ANKS1B: variants seen among roughly 807,000 people sequenced by gnomAD.
The protein encoded by ANKS1B is ankyrin repeat and sterile alpha motif domain containing 1B.
ANKS1B carries 36 observed loss-of-function variants against 148.3 expected under a neutral mutation model. The ratio of observed to expected loss-of-function variants is 0.24; its 90% confidence interval spans 0.19 to 0.32. The LOEUF is 0.32. ANKS1B is among the 10% of genes least tolerant of loss of function. ANKS1B has a pLI of 1.00. For synonymous variants in ANKS1B, 542 were observed against 560.8 expected (o/e 0.97, Z 0.47); for missense variants, 1,157 against 1,542.6 (o/e 0.75, Z 4.19).
At chr12:99,761,962 G>A (rs991550428) in intron 8 of ANKS1B, among the ~76,000 whole-genome samples, 4 of 151,562 alleles carry the variant, frequency 2.6e-5, no homozygotes, top group Non-Finnish European at 5.9e-5. Flanking sequence ...CACAAAAAAC[G>A]AAATACCAAG....
At position 99,042,334 on chromosome 12, in the gene ANKS1B, C is replaced by T. The variant is rs540964524; in HGVS notation, c.2778+10823G>A. ...TTTCTTTGTTATGAAGACATGTCTG[C>T]GATAGCATACTAGAGAGTGGGGCAC... On this transcript the variant is annotated intron_variant, in intron 17 of 26. Coordinates refer to ENST00000683438, the MANE Select transcript of ANKS1B (RefSeq NM_001352186.2). Among the ~76,000 whole-genome samples, 23 of 152,228 alleles carry T rather than the reference C, an allele frequency of 1.5e-4. No homozygotes were observed. The South Asian group carries it at 1.9e-3, about 12-fold the overall frequency.
intron 1 of ANKS1B, among the ~76,000 whole-genome samples, chr12:99,900,305 A>G (rs1565957424): frequency 6.6e-6 from 1 of 151,738 alleles, no homozygotes; most frequent in African/African-American, 2.4e-5. Context: ...CAGGTGTTCG[A>G]GAACAGCCTG....
At chr12:98,854,036 A>G (rs2099547672) in intron 17 of ANKS1B, among the ~76,000 whole-genome samples, 1 of 152,228 alleles carries the variant, frequency 6.6e-6, no homozygotes, top group Non-Finnish European at 1.5e-5. Flanking sequence ...TGGACTCATC[A>G]GCAAGACATG....
chr12:98,867,888 G>A lies in ANKS1B; in HGVS notation c.2779-35752C>T, dbSNP rs902453907. ...AAAAAAAAAAAAAGAATATAAGTCA[G>A]TTTTCTTTCTGGATACTACTTCGTA... On this transcript the variant is annotated intron_variant, in intron 17 of 26. Coordinates refer to ENST00000683438, the MANE Select transcript of ANKS1B (RefSeq NM_001352186.2). Among the ~76,000 whole-genome samples, 3 of 151,982 alleles carry A rather than the reference G, an allele frequency of 2.0e-5. No homozygotes were observed. The South Asian group carries it at 6.2e-4, about 32-fold the overall frequency.
At chr12:99,810,913 C>T (rs939075874) in intron 3 of ANKS1B, among the ~76,000 whole-genome samples, 22 of 151,840 alleles carry the variant, frequency 1.4e-4, no homozygotes, top group African/African-American at 5.3e-4. Context: ...CATAAATGAT[C>T]TAACTGTTGG....
Position 98,745,165 on chromosome 12 carries a change from TA to T in ANKS1B, c.*573del. 3.0e-6 allele frequency: 3 copies of T among 985,828 alleles called. No homozygotes were observed. Among genetic ancestry groups the T allele is most frequent in the Non-Finnish European group, 3.6e-6 (3 of 829,924 alleles). The allele number at this position is 985,828 out of a possible 1,614,324, so 61.1% of individuals were successfully genotyped here. ...TTTCTCTGACATAGGTGATTACATA[TA>T]AAATCCACAAATATAGAAATGGGGA... On this transcript the variant is annotated 3_prime_UTR_variant, in exon 27 of 27. Coordinates refer to ENST00000683438, the MANE Select transcript of ANKS1B (RefSeq NM_001352186.2).
At position 99,445,268 on chromosome 12, in the gene ANKS1B, A is replaced by AACT. The variant is rs1359886876; in HGVS notation, c.1439-1460_1439-1459insAGT. ...TTCATCTAAAAACTACACATGTAAG[A>AACT]ACACTTATTTGGGGCAACTATGAGT... On this transcript the variant is annotated intron_variant, in intron 10 of 26. Coordinates refer to ENST00000683438, the MANE Select transcript of ANKS1B (RefSeq NM_001352186.2). Among the ~76,000 whole-genome samples the AACT allele has an allele frequency of 4.6e-5, 7 of 152,186 alleles. No individual in the cohort carries two copies. In the East Asian group the frequency reaches 1.4e-3, roughly 29 times the overall value.
intron 1 of ANKS1B, among the ~76,000 whole-genome samples, chr12:99,959,621 T>C (rs2095380105): frequency 6.6e-6 from 1 of 152,216 alleles, no homozygotes; most frequent in South Asian, 2.1e-4. Flanking sequence ...TAAGGACATT[T>C]TCCTTACCTA....
chr12:98,807,724 C>T (rs2099061753), intron 20 of ANKS1B, 120 bp downstream of exon 20: 2 of 666,438 alleles, frequency 3.0e-6, no homozygotes, highest in African/African-American at 1.8e-5. Context: ...GTCTCGGAGT[C>T]ACCAGACATT....
At chr12:99,957,853 T>A (rs2095347053) in intron 1 of ANKS1B, among the ~76,000 whole-genome samples, 1 of 152,250 alleles carries the variant, frequency 6.6e-6, no homozygotes, top group Non-Finnish European at 1.5e-5. Flanking sequence ...TCTGTATTTA[T>A]TCACTCAACT....
At chr12:98,765,941 A>T (rs1313370366) in intron 25 of ANKS1B, among the ~76,000 whole-genome samples, 2 of 152,314 alleles carry the variant, frequency 1.3e-5, no homozygotes, top group East Asian at 3.9e-4. Context: ...CAGATCTGGG[A>T]TTCAAAACCA....
intron 4 of ANKS1B, among the ~76,000 whole-genome samples, chr12:99,800,279 T>C (rs1782185768): frequency 6.6e-6 from 1 of 151,964 alleles, no homozygotes; most frequent in Non-Finnish European, 1.5e-5. Flanking sequence ...AAGGCAGCCA[T>C]CTAACAAGCC....
intron 9 of ANKS1B, among the ~76,000 whole-genome samples, chr12:99,560,961 C>T (rs1440461521): frequency 6.6e-6 from 1 of 151,254 alleles, no homozygotes; most frequent in East Asian, 1.9e-4. Context: ...ATTCTCCTGC[C>T]TCAGCCTCCT....
intron 12 of ANKS1B, among the ~76,000 whole-genome samples, chr12:99,370,274 C>T (rs2093054664): frequency 6.6e-6 from 1 of 152,038 alleles, no homozygotes; most frequent in African/African-American, 2.4e-5. Context: ...GAGTGCTTGG[C>T]CATGACTTAA....
intron 15 of ANKS1B, among the ~76,000 whole-genome samples, chr12:99,102,498 TTTTGGG>T (rs1170618375): frequency 2.0e-4 from 30 of 152,090 alleles, no homozygotes; most frequent in Non-Finnish European, 4.3e-4. Flanking sequence ...AATCCCAGCT[TTTTGGG>T]AGGCTAAGAT....
At chr12:99,065,874 TA>T in intron 16 of ANKS1B, among the ~76,000 whole-genome samples, 1 of 152,276 alleles carries the variant, frequency 6.6e-6, no homozygotes, top group African/African-American at 2.4e-5. Flanking sequence ...TATAGTCTGT[TA>T]GAAGGTGATA....
At chr12:99,203,010 A>G (rs150294595) in intron 14 of ANKS1B, among the ~76,000 whole-genome samples, 70 of 152,332 alleles carry the variant, frequency 4.6e-4, no homozygotes, top group African/African-American at 1.1e-3. Context: ...ATTAAAATAC[A>G]TTACTTCTAC....
intron 25 of ANKS1B, among the ~76,000 whole-genome samples, chr12:98,756,727 CT>C (rs1197713336): frequency 2.1e-3 from 273 of 127,392 alleles, no homozygotes; most frequent in East Asian, 5.2e-3. Context: ...CTCCATCTAT[CT>C]TTTTTTTTTT....
At chr12:98,879,318 A>T (rs2099700292) in intron 17 of ANKS1B, among the ~76,000 whole-genome samples, 1 of 152,358 alleles carries the variant, frequency 6.6e-6, no homozygotes, top group South Asian at 2.1e-4. Context: ...TGCAAGGTAG[A>T]TATCATCACC....
Sources: allele counts gnomAD v4.1 joint callset (sites outside exome capture counted in the v4.1 genomes callset), GRCh38; gene constraint gnomAD v4.1.1; transcripts MANE v1.5; gene names NCBI Gene and HGNC (gene_info 2026-07-23, HGNC 2026-07-21).